The following GOLGA4 variants were observed in gnomAD, a reference collection of about 807,000 sequenced individuals.
GOLGA4 encodes the protein golgin A4, also known as golgin subfamily A member 4.
Under a neutral mutation model 265.9 loss-of-function variants are expected in GOLGA4, and 169 were observed. That is an observed-to-expected ratio of 0.64 (90% CI 0.56 to 0.72). The LOEUF is 0.72. Among genes scored for constraint, GOLGA4 ranks in the 30% least tolerant of loss-of-function variants. The pLI is 0.00. For missense variants in GOLGA4, 2,482 were observed against 2,483.4 expected, an observed-to-expected ratio of 1.00 and a Z score of 0.01; for synonymous variants, 923 against 855.8, an observed-to-expected ratio of 1.08 and a Z score of -1.37.
rs541586852 is a variant in GOLGA4 at position 37,291,245 on chromosome 3, A to G, written c.582+1954A>G. 1.4e-4 allele frequency among the ~76,000 whole-genome samples: 22 copies of G among 152,232 alleles called. No homozygotes were observed. The South Asian group carries it at 3.5e-3, about 24-fold the overall frequency. On this transcript the variant is annotated intron_variant, in intron 5 of 23. Coordinates refer to ENST00000361924, the MANE Select transcript of GOLGA4 (RefSeq NM_002078.5). ...CACAGGAATACCTCTTTATAATGTT[A>G]TTATATCTGGAAACACAGGAATACC...
At chr3:37,277,189 G>A (rs1389142757) in intron 2 of GOLGA4, among the ~76,000 whole-genome samples, 1 of 152,136 alleles carries the variant, frequency 6.6e-6, no homozygotes, top group Non-Finnish European at 1.5e-5. Flanking sequence ...GTAACTAACC[G>A]TGATCATCAT....
At chr3:37,256,934 A>G (rs1461897504) in intron 2 of GOLGA4, among the ~76,000 whole-genome samples, 1 of 151,822 alleles carries the variant, frequency 6.6e-6, no homozygotes, top group Admixed American at 6.6e-5. Flanking sequence ...GTTTAAATTC[A>G]TATAACATAA....
At chr3:37,248,513 C>T (rs1284667850) in intron 1 of GOLGA4, among the ~76,000 whole-genome samples, 1 of 152,134 alleles carries the variant, frequency 6.6e-6, no homozygotes, top group African/African-American at 2.4e-5. Flanking sequence ...AACCAGGCAC[C>T]TGGGACAAAT....
chr3:37,275,600 C>T (rs543697335), intron 2 of GOLGA4: 231 of 1,425,102 alleles, frequency 1.6e-4, no homozygotes, highest in Non-Finnish European at 2.1e-4. Context: ...GGGGTTGCTG[C>T]GCGCCGGGGG....
intron 2 of GOLGA4, among the ~76,000 whole-genome samples, chr3:37,275,077 G>T (rs529123013): frequency 2.6e-5 from 4 of 151,620 alleles, no homozygotes; most frequent in East Asian, 1.9e-4. Flanking sequence ...TTAGCTGGGC[G>T]TGGTGGCGGG....
intron 1 of GOLGA4, 110 bp from the exon 2 acceptor site, chr3:37,251,285 T>C (rs1319727204): frequency 1.5e-6 from 1 of 650,724 alleles, no homozygotes; most frequent in East Asian, 2.7e-5. Flanking sequence ...TTTGCTCTTT[T>C]CCTTTCTTTC....
chr3:37,326,506 A>C lies in GOLGA4; in HGVS notation c.4620A>C (p.Glu1540Asp). 6.2e-7 allele frequency: 1 copy of C among 1,607,758 alleles called. No individual in the cohort carries two copies. The highest frequency in any genetic ancestry group is 2.2e-5 in the East Asian group (1 of 44,792). Reference protein sequence around the residue: ...LEDHITQKTIEIESLNEVLKN... With the variant: ...LEDHITQKTIDIESLNEVLKN... ...ACCATATTACCCAGAAAACTATTGAAATAGAGTCCTTAAATGAAGTTCTTA... is the reference window on the plus strand; with the variant it reads ...ACCATATTACCCAGAAAACTATTGACATAGAGTCCTTAAATGAAGTTCTTA... Residue 1540 changes from glutamate (E) to aspartate (D), a missense_variant, in exon 14 of 24, where the codon GAA becomes GAC. Glu to Asp is a conservative substitution (Grantham distance 45). Around this residue, in one of 3 missense-constraint regions of GOLGA4, gnomAD observed 942 missense variants for 983.1 expected, o/e 0.96. Transcript: ENST00000361924.
At chr3:37,335,942 G>A (rs1231606219) in intron 17 of GOLGA4, among the ~76,000 whole-genome samples, 4 of 152,130 alleles carry the variant, frequency 2.6e-5, no homozygotes, top group Non-Finnish European at 5.9e-5. Context: ...TCTTTTCATA[G>A]CCCAGTCATG....
Position 37,326,091 on chromosome 3 carries a change from A to G in GOLGA4, c.4205A>G (p.Gln1402Arg), listed in dbSNP as rs1438492172. 1.2e-6 allele frequency: 2 copies of G among 1,613,054 alleles called. No homozygotes were observed. Among genetic ancestry groups the G allele is most frequent in the African/African-American group, 1.3e-5 (1 of 74,916 alleles). The stretch of plus-strand genomic sequence containing the variant: ...GCAGCCATTTCATCACTAAGAAAGC[A>G]GTATGATGAAGAAAAATGTGAATTG... ...KEAAISSLRK[Q>R]YDEEKCELLD... Residue 1402 changes from glutamine (Q) to arginine (R), a missense_variant, in exon 14 of 24, where the codon CAG becomes CGG. Coordinates refer to ENST00000361924, the MANE Select transcript of GOLGA4 (RefSeq NM_002078.5).
Position 37,327,213 on chromosome 3 carries a change from G to C in GOLGA4, c.5327G>C (p.Arg1776Pro). 6.2e-7 allele frequency: 1 copy of C among 1,613,828 alleles called. No individual in the cohort carries two copies. Among genetic ancestry groups the C allele is most frequent in the Non-Finnish European group, 8.5e-7 (1 of 1,179,864 alleles). Residue 1776 changes from arginine to proline, a missense_variant, in exon 14 of 24, where the codon CGC becomes CCC. By Grantham distance (103) the Arg-to-Pro change is moderately radical. Transcript: ENST00000361924. ...HFEMRCQYQE[R>P]LIKLEHAEAK... ...GAAATGCGATGCCAATACCAGGAGC[G>C]CTTAATAAAGCTAGAACATGCTGAG...
At chr3:37,321,109 G>C (rs1277668685) in intron 12 of GOLGA4, among the ~76,000 whole-genome samples, 2 of 152,058 alleles carry the variant, frequency 1.3e-5, no homozygotes, top group East Asian at 3.8e-4. Flanking sequence ...CATTTAATAT[G>C]TTAATTGACT....
intron 10 of GOLGA4, chr3:37,313,657 C>T (rs938324603): frequency 6.6e-6 from 1 of 152,088 alleles, no homozygotes; most frequent in Non-Finnish European, 1.5e-5. Context: ...CCTAGGGTAT[C>T]ATTATGCAAA....
intron 9 of GOLGA4, 93 bp from the exon 10 acceptor site, chr3:37,302,092 G>A (rs571792468): frequency 1.0e-4 from 111 of 1,075,726 alleles, no homozygotes; most frequent in South Asian, 3.8e-4. Context: ...CACCATGCCC[G>A]GCCTTTTTCT....
At chr3:37,260,034 A>G (rs17036176) in intron 2 of GOLGA4, among the ~76,000 whole-genome samples, 1,612 of 152,098 alleles carry the variant, frequency 0.011, 24 homozygotes, top group African/African-American at 0.035. Flanking sequence ...TCTGTAGAGT[A>G]TATTATCACA....
rs200199336 is a variant in GOLGA4, at chr3:37,327,317, A to G, written c.5431A>G (p.Ile1811Val). 34 of 1,613,762 alleles carry G rather than the reference A, an allele frequency of 2.1e-5. No homozygotes were observed. The highest frequency in any genetic ancestry group is 5.9e-6 in the Non-Finnish European group (7 of 1,179,842). The change falls in exon 14 of 24, where the codon ATA becomes GTA. Residue 1811 changes from isoleucine to valine, a missense_variant. By Grantham distance (29) the Ile-to-Val change is conservative. This residue lies in a region of GOLGA4 where 942 missense variants were observed against 983.1 expected (regional missense o/e 0.96). Transcript: ENST00000361924. Reference sequence around the variant, plus strand: ...AGAAAAAAACAAGAAATATTCCTTGATAGTAGCCCAGCATGTGGAAAAAGA... The same window carrying G: ...AGAAAAAAACAAGAAATATTCCTTGGTAGTAGCCCAGCATGTGGAAAAAGA... ...LEEKNKKYSL[I>V]VAQHVEKEGG...
chr3:37,361,440 C>A (rs780950624), intron 23 of GOLGA4, 135 bp downstream of exon 23: 8 of 552,804 alleles, frequency 1.4e-5, no homozygotes, highest in African/African-American at 7.5e-5. Context: ...TAAGTATTTT[C>A]TGTTCATTCT....
intron 10 of GOLGA4, among the ~76,000 whole-genome samples, chr3:37,314,512 A>C (rs147334199): frequency 0.013 from 2,029 of 152,030 alleles, 41 homozygotes; most frequent in African/African-American, 0.044. Flanking sequence ...ATGGTGGTGC[A>C]TGCCTGTGGT....
At chr3:37,316,618 G>C (rs961091516) in intron 11 of GOLGA4, among the ~76,000 whole-genome samples, 3 of 151,988 alleles carry the variant, frequency 2.0e-5, no homozygotes, top group Admixed American at 6.6e-5. Context: ...ATGTTATCAT[G>C]GACTCCAACA....
At chr3:37,318,747 CTG>C (rs535517961) in intron 11 of GOLGA4, among the ~76,000 whole-genome samples, 310 of 152,244 alleles carry the variant, frequency 2.0e-3, no homozygotes, top group African/African-American at 7.2e-3. Context: ...AGTGCCCTCT[CTG>C]AGAGCATCCT....
Sources: gnomAD v4.1 joint callset for allele counts (sites outside exome capture counted in the v4.1 genomes callset) on GRCh38, gnomAD v4.1.1 for gene constraint, gnomAD v4.1.1 regional missense constraint, MANE v1.5 for transcripts, NCBI Gene and HGNC (gene_info 2026-07-23, HGNC 2026-07-21) for gene names.